The following ZCWPW1 variants were observed in gnomAD, a reference collection of about 807,000 sequenced individuals.
The protein encoded by ZCWPW1 is zinc finger CW-type and PWWP domain containing 1.
A neutral mutation model predicts 81.3 loss-of-function variants in ZCWPW1; 56 were observed. The observed-to-expected ratio is 0.69, with a 90% CI of 0.56 to 0.86. The LOEUF is 0.86. ZCWPW1 is among the 40% of genes least tolerant of loss of function. The pLI, the probability that ZCWPW1 is intolerant of heterozygous loss-of-function variation, is 0.00. For missense variants in ZCWPW1, 650 were observed against 769.8 expected (o/e 0.84, Z 1.84); for synonymous variants, 250 against 273.7 (o/e 0.91, Z 0.86).
At chr7:100,420,498 G>T in intron 3 of ZCWPW1, 124 bp downstream of exon 3, 2 of 1,038,448 alleles carry the variant, frequency 1.9e-6, no homozygotes, top group Non-Finnish European at 3.0e-6. Flanking sequence ...ATCTAGCAGA[G>T]CAGTAATTTG....
intron 8 of ZCWPW1, 114 bp from the exon 9 acceptor site, chr7:100,409,658 T>G: frequency 1.4e-6 from 1 of 728,664 alleles, no homozygotes; most frequent in South Asian, 1.8e-5. Context: ...CAGAGAGACA[T>G]TAGAGATCAA....
rs1256602277 is a variant in ZCWPW1, at chr7:100,403,713, T to C, written c.1394A>G (p.Lys465Arg). 1.2e-6 allele frequency: 2 copies of C among 1,613,298 alleles called. No homozygotes were observed. Among genetic ancestry groups the C allele is most frequent in the Non-Finnish European group, 1.7e-6 (2 of 1,179,612 alleles). ...TCTTACTGTTTTCTCTCCTTCCTCC[T>C]TTTCCAACTCTTCCTCTTTCTCCTT... ...EKKEKEEELE[K>R]EEGEKTDPIL... The change falls in exon 15 of 18, where the codon AAG (lysine) becomes AGG (arginine). Residue 465 changes from lysine to arginine, a missense_variant. Transcript: ENST00000684423.
intron 1 of ZCWPW1, among the ~76,000 whole-genome samples, chr7:100,427,613 C>G (rs895181189): frequency 6.6e-6 from 1 of 151,330 alleles, no homozygotes; most frequent in Non-Finnish European, 1.5e-5. Flanking sequence ...GCAGGGGAAT[C>G]GCTTGAACCC....
intron 13 of ZCWPW1, 86 bp from the exon 14 acceptor site, chr7:100,404,330 GA>G: frequency 8.2e-7 from 1 of 1,212,556 alleles, no homozygotes; most frequent in Non-Finnish European, 1.2e-6. Context: ...TAGTTATGAT[GA>G]AATTCTGATT....
Position 100,428,696 on chromosome 7 carries a change from T to C in ZCWPW1, c.-265A>G, listed in dbSNP as rs1798240215. 1 of 152,224 alleles carries C rather than the reference T, an allele frequency of 6.6e-6. No individual in the cohort carries two copies. The highest frequency in any genetic ancestry group is 1.5e-5 in the Non-Finnish European group (1 of 68,046). 9.4% of individuals were successfully genotyped at this position (152,224 alleles called of 1,614,324 possible). On this transcript the variant is annotated 5_prime_UTR_variant, in exon 1 of 18. Coordinates refer to ENST00000684423, the MANE Select transcript of ZCWPW1 (RefSeq NM_001386010.1). The stretch of plus-strand genomic sequence containing the variant: ...AAAACGGCGTAGACTCGCTTCTTCC[T>C]CATTGGCAGAAGCTGGGGGGGCCCA...
intron 14 of ZCWPW1, 52 bp from the exon 15 acceptor site, chr7:100,403,837 G>GA: frequency 6.6e-7 from 1 of 1,523,008 alleles, no homozygotes; most frequent in South Asian, 1.1e-5. Flanking sequence ...ATAAAATAGT[G>GA]AGTTAATGAA....
At position 100,401,991 on chromosome 7, in the gene ZCWPW1, T is replaced by C; in HGVS notation, c.1525A>G (p.Arg509Gly). 6.2e-7 allele frequency: 1 copy of C among 1,614,184 alleles called. No homozygotes were observed. Among genetic ancestry groups the C allele is most frequent in the Middle Eastern group, 1.7e-4 (1 of 6,058 alleles). ...CCTAGAGATCTCTTCATTATCTTCC[T>C]CTGCAGTGTCCTGCCTCGGCCATCT... ...TADGRGRTLQ[R>G]KIMKRSLGRK... The change falls in exon 17 of 18, where the codon AGG becomes GGG. Residue 509 changes from arginine (R) to glycine (G), a missense_variant. Physicochemically the swap from Arg to Gly is moderately radical, Grantham distance 125. Coordinates refer to ENST00000684423, the MANE Select transcript of ZCWPW1 (RefSeq NM_001386010.1).
Position 100,403,784 on chromosome 7 carries a change from G to T in ZCWPW1, c.1323C>A (p.Asp441Glu). Residue 441 changes from aspartate (D) to glutamate (E), a missense_variant and splice_region_variant, in exon 15 of 18, where the codon GAC becomes GAA. Transcript: ENST00000684423. ...GGCTGTTCAAACCAGAGAGCTGTAA[G>T]TCTAGAACAGGAAAAGGAAGGAAAG... ...NGSNSNGERK[D>E]LQLSGLNSPG... 1 of 1,613,568 alleles carries T rather than the reference G, an allele frequency of 6.2e-7. No individual in the cohort carries two copies. The highest frequency in any genetic ancestry group is 8.5e-7 in the Non-Finnish European group (1 of 1,179,742).
intron 8 of ZCWPW1, 95 bp from the exon 9 acceptor site, chr7:100,409,639 T>C (rs1793785344): frequency 4.7e-6 from 4 of 853,866 alleles, no homozygotes; most frequent in Non-Finnish European, 7.5e-6. Context: ...ACTCCCAGAA[T>C]GACATAGCCA....
chr7:100,401,341 A>T lies in ZCWPW1; in HGVS notation c.1628-5T>A, dbSNP rs772191483. 3.3e-6 allele frequency: 5 copies of T among 1,532,086 alleles called. No homozygotes were observed. The African/African-American group carries it at 7.0e-5, about 21-fold the overall frequency. 94.9% of individuals were successfully genotyped at this position (1,532,086 alleles called of 1,614,324 possible). A position where few individuals can be genotyped will look rare whatever the true frequency, so the allele number is the denominator to read the frequency against. Reference sequence around the variant, plus strand: ...CTTTAAATTTTTTCTTAGGGCCTAAATGAGAAGGTGACAAAGCCAAGAGTC... The same window carrying T: ...CTTTAAATTTTTTCTTAGGGCCTAATTGAGAAGGTGACAAAGCCAAGAGTC... On this transcript the variant is annotated splice_region_variant and splice_polypyrimidine_tract_variant and intron_variant, in intron 17 of 17. Coordinates refer to ENST00000684423, the MANE Select transcript of ZCWPW1 (RefSeq NM_001386010.1).
rs760711349 is a variant in ZCWPW1 at position 100,401,924 on chromosome 7, T to C, written c.1592A>G (p.Lys531Arg). 7 of 1,613,988 alleles carry C rather than the reference T, an allele frequency of 4.3e-6. No homozygotes were observed. The highest frequency in any genetic ancestry group is 5.9e-6 in the Non-Finnish European group (7 of 1,179,974). The change falls in exon 17 of 18, where the codon AAA becomes AGA. Residue 531 changes from lysine (K) to arginine (R), a missense_variant. By Grantham distance (26) the Lys-to-Arg change is conservative. Coordinates refer to ENST00000684423, the MANE Select transcript of ZCWPW1 (RefSeq NM_001386010.1). Reference sequence around the variant, plus strand: ...AGAATCTGAATTCCCTTGGCCTTCTTTCCTTCCCATTCTGGGTGCAGGAGG... The same window carrying C: ...AGAATCTGAATTCCCTTGGCCTTCTCTCCTTCCCATTCTGGGTGCAGGAGG... ...TAPPAPRMGRKEGQGNSDSDQ... is the reference protein window; with the variant it reads ...TAPPAPRMGRREGQGNSDSDQ...
chr7:100,419,963 A>G, intron 3 of ZCWPW1, 80 bp from the exon 4 acceptor site: 3 of 1,178,372 alleles, frequency 2.5e-6, no homozygotes, highest in South Asian at 1.5e-5. Flanking sequence ...TTGACTAGCC[A>G]TAACAGAATG....
At chr7:100,417,959 A>C (rs1795640829) in intron 5 of ZCWPW1, among the ~76,000 whole-genome samples, 1 of 151,570 alleles carries the variant, frequency 6.6e-6, no homozygotes, top group African/African-American at 2.4e-5. Flanking sequence ...ATCTCGGCTC[A>C]CTGCAACTTC....
At chr7:100,411,489 G>A (rs1304769323) in intron 8 of ZCWPW1, among the ~76,000 whole-genome samples, 1 of 152,086 alleles carries the variant, frequency 6.6e-6, no homozygotes, top group East Asian at 1.9e-4. Flanking sequence ...GGCTGGTCTT[G>A]AACTCCTGGG....
At position 100,404,903 on chromosome 7, in the gene ZCWPW1, T is replaced by C. The variant is rs571490957; in HGVS notation, c.1254+110A>G. On this transcript the variant is annotated intron_variant, in intron 13 of 17. Transcript: ENST00000684423. ...CTTATATCTGAAACCTGAAGTGAAA[T>C]ATAGAGGTAGGATGGCCCCTAGCAC... 1.6e-4 allele frequency: 166 copies of C among 1,046,570 alleles called. No individual in the cohort carries two copies. In the Middle Eastern group the frequency reaches 3.0e-3, roughly 19 times the overall value. 64.8% of individuals were successfully genotyped at this position (1,046,570 alleles called of 1,614,324 possible). A position where few individuals can be genotyped will look rare whatever the true frequency, so the allele number is the denominator to read the frequency against.
rs746691333 is a variant in ZCWPW1, at chr7:100,409,468, G to A, written c.831C>T (p.Pro277=). Residue 277 remains proline, a synonymous_variant, in exon 9 of 18, where the codon CCC becomes CCT. Transcript: ENST00000684423. ...AGGACCAATTATCTGGGAGAACTGA[G>A]GGGTCAATGTTCCCACACAGCCGCC... ...KWRRLCGNID[P]SVLPDNWSCD... 4 of 1,614,098 alleles carry A rather than the reference G, an allele frequency of 2.5e-6. No individual in the cohort carries two copies. In the South Asian group the frequency reaches 4.4e-5, roughly 18 times the overall value.
chr7:100,417,244 C>T lies in ZCWPW1; in HGVS notation c.362-61G>A, dbSNP rs1219546316. The T allele has an allele frequency of 8.3e-6, 11 of 1,328,266 alleles. No individual in the cohort carries two copies. In the African/African-American group the frequency reaches 1.6e-4, roughly 20 times the overall value. 82.3% of individuals were successfully genotyped at this position (1,328,266 alleles called of 1,614,324 possible). A position where few individuals can be genotyped will look rare whatever the true frequency, so the allele number is the denominator to read the frequency against. ...AAAACGAAAAAGCCACTCTATTACT[C>T]CCTAACATTTTCTCTAAAGTGTCTT... On this transcript the variant is annotated intron_variant, in intron 5 of 17. Coordinates refer to ENST00000684423, the MANE Select transcript of ZCWPW1 (RefSeq NM_001386010.1).
chr7:100,404,174 C>G lies in ZCWPW1; in HGVS notation c.1321+4G>C. 6.2e-7 allele frequency: 1 copy of G among 1,614,060 alleles called. No individual in the cohort carries two copies. The highest frequency in any genetic ancestry group is 1.1e-5 in the South Asian group (1 of 91,068). ...CTCCAGTCCTCAACCTCCATTTATC[C>G]TACCTTTTCTTTCCCCATTACTGTT... On this transcript the variant is annotated splice_donor_region_variant and intron_variant, in intron 14 of 17. Coordinates refer to ENST00000684423, the MANE Select transcript of ZCWPW1 (RefSeq NM_001386010.1).
intron 8 of ZCWPW1, among the ~76,000 whole-genome samples, chr7:100,414,851 C>A (rs1456511343): frequency 6.6e-6 from 1 of 151,740 alleles, no homozygotes; most frequent in African/African-American, 2.4e-5. Context: ...ATGGTGAAAC[C>A]CCATCTCTAC....
Sources: allele counts gnomAD v4.1 joint callset (sites outside exome capture counted in the v4.1 genomes callset), GRCh38; gene constraint gnomAD v4.1.1; transcripts MANE v1.5; gene names NCBI Gene and HGNC (gene_info 2026-07-23, HGNC 2026-07-21).